Variants in ANKS1B observed in about 807,000 individuals in gnomAD.
The protein encoded by ANKS1B is ankyrin repeat and sterile alpha motif domain-containing protein 1B.
In ANKS1B, 36 loss-of-function variants were observed where a neutral mutation model predicts 148.3. The ratio of observed to expected loss-of-function variants is 0.24; its 90% CI spans 0.19 to 0.32. ANKS1B has a LOEUF of 0.32. ANKS1B is among the 10% of genes least tolerant of loss of function. ANKS1B has a pLI of 1.00. For missense variants in ANKS1B, 1,157 were observed against 1,542.6 expected (o/e 0.75, Z 4.19); for synonymous variants, 542 against 560.8 (o/e 0.97, Z 0.47).
intron 8 of ANKS1B, among the ~76,000 whole-genome samples, chr12:99,698,046 G>A (rs1004656359): frequency 3.9e-5 from 6 of 152,046 alleles, no homozygotes; most frequent in Admixed American, 6.6e-5. Context: ...AGAAAGAGCA[G>A]AAGGTATAGG....
At chr12:99,154,203 A>G in intron 15 of ANKS1B, 86 bp downstream of exon 15, 1 of 1,535,290 alleles carries the variant, frequency 6.5e-7, no homozygotes, top group South Asian at 1.2e-5. Flanking sequence ...GTTTTGGTGC[A>G]AATCAGGCTG....
At chr12:98,945,017 A>T (rs947630667) in intron 17 of ANKS1B, among the ~76,000 whole-genome samples, 4 of 152,058 alleles carry the variant, frequency 2.6e-5, no homozygotes, top group African/African-American at 9.7e-5. Flanking sequence ...CCTATCCCCC[A>T]CTGCTTTTTT....
intron 1 of ANKS1B, among the ~76,000 whole-genome samples, chr12:99,828,100 G>T (rs555930676): frequency 3.9e-5 from 6 of 152,196 alleles, no homozygotes; most frequent in Admixed American, 3.9e-4. Flanking sequence ...GAAATAAAAA[G>T]AATTAAATAC....
intron 25 of ANKS1B, among the ~76,000 whole-genome samples, chr12:98,763,276 T>C (rs1009110248): frequency 3.9e-5 from 6 of 152,244 alleles, no homozygotes; most frequent in African/African-American, 7.2e-5. Context: ...ACAGACTTCA[T>C]TGACATCTCT....
intron 17 of ANKS1B, among the ~76,000 whole-genome samples, chr12:99,039,709 C>T (rs1458003769): frequency 6.6e-6 from 1 of 152,150 alleles, no homozygotes; most frequent in African/African-American, 2.4e-5. Flanking sequence ...TATTATTATA[C>T]TTTAAGTTTT....
At chr12:99,496,164 C>T (rs1190424249) in intron 10 of ANKS1B, among the ~76,000 whole-genome samples, 1 of 152,110 alleles carries the variant, frequency 6.6e-6, no homozygotes, top group South Asian at 2.1e-4. Flanking sequence ...ATGGATTTAT[C>T]GGGCATCCAT....
intron 11 of ANKS1B, among the ~76,000 whole-genome samples, chr12:99,424,888 C>T (rs181228416): frequency 1.3e-5 from 2 of 152,114 alleles, no homozygotes; most frequent in South Asian, 2.1e-4. Context: ...ATCACAGCAG[C>T]CATACCTCAA....
chr12:99,465,437 T>C (rs1182696626), intron 10 of ANKS1B, among the ~76,000 whole-genome samples: 1 of 152,130 alleles, frequency 6.6e-6, no homozygotes, highest in Non-Finnish European at 1.5e-5. Flanking sequence ...AATTCAAACA[T>C]AACAGTATTA....
intron 15 of ANKS1B, among the ~76,000 whole-genome samples, chr12:99,092,346 C>A (rs927773157): frequency 6.6e-6 from 1 of 151,878 alleles, no homozygotes; most frequent in Non-Finnish European, 1.5e-5. Context: ...CTTTTAGCTC[C>A]CACTGTGGTA....
chr12:99,325,972 A>C (rs2086228248), intron 12 of ANKS1B, among the ~76,000 whole-genome samples: 1 of 152,100 alleles, frequency 6.6e-6, no homozygotes, highest in Non-Finnish European at 1.5e-5. Context: ...GAAGGTGAAG[A>C]GAAAGCAAAG....
At chr12:99,509,768 T>G (rs11109882) in intron 9 of ANKS1B, among the ~76,000 whole-genome samples, 26,655 of 152,000 alleles carry the variant, frequency 0.18, 2,373 homozygotes, top group African/African-American at 0.2. Context: ...AGATTTGCAA[T>G]GTAGATGAAA....
chr12:99,912,445 G>A (rs563994704), intron 1 of ANKS1B, among the ~76,000 whole-genome samples: 57 of 151,716 alleles, frequency 3.8e-4, no homozygotes, highest in African/African-American at 1.1e-3. Context: ...TCTGCCTCCC[G>A]GGTTCAAGTG....
intron 17 of ANKS1B, chr12:98,895,090 A>C: frequency 1.0e-6 from 1 of 978,990 alleles, no homozygotes; most frequent in African/African-American, 1.8e-5. Context: ...GTGGGCGGCG[A>C]GGCGGGGGGG....
intron 8 of ANKS1B, among the ~76,000 whole-genome samples, chr12:99,680,975 C>G (rs558117245): frequency 1.3e-3 from 195 of 152,128 alleles, no homozygotes; most frequent in Middle Eastern, 6.8e-3. Context: ...TCCCATCCCC[C>G]ACAGAAGCCA....
chr12:98,915,162 AC>A (rs1223585646), intron 17 of ANKS1B, among the ~76,000 whole-genome samples: 3 of 151,994 alleles, frequency 2.0e-5, no homozygotes, highest in Non-Finnish European at 4.4e-5. Flanking sequence ...AGCAGGCTGG[AC>A]CCCTAATCCA....
At chr12:99,752,251 A>G (rs141513396) in intron 8 of ANKS1B, among the ~76,000 whole-genome samples, 1 of 152,018 alleles carries the variant, frequency 6.6e-6, no homozygotes, top group African/African-American at 2.4e-5. Flanking sequence ...CTGTCAGGCA[A>G]CATCCCAGAC....
At chr12:99,898,664 GGAACAACGATGAA>G (rs1296098219) in intron 1 of ANKS1B, among the ~76,000 whole-genome samples, 1 of 152,128 alleles carries the variant, frequency 6.6e-6, no homozygotes, top group Non-Finnish European at 1.5e-5. Context: ...GGGTAAATAT[GGAACAACGATGAA>G]GAAAGCAAAG....
At chr12:98,851,223 CT>C (rs1567155260) in intron 17 of ANKS1B, among the ~76,000 whole-genome samples, 2 of 152,176 alleles carry the variant, frequency 1.3e-5, no homozygotes, top group Non-Finnish European at 2.9e-5. Context: ...ACAGGACATA[CT>C]TATTGCTTTG....
intron 8 of ANKS1B, among the ~76,000 whole-genome samples, chr12:99,684,036 C>G (rs2098636110): frequency 6.6e-6 from 1 of 151,978 alleles, no homozygotes. Flanking sequence ...AGCATTCCCC[C>G]TGAGACCTGG....
Sources: gnomAD v4.1 joint callset for allele counts (sites outside exome capture counted in the v4.1 genomes callset) on GRCh38, gnomAD v4.1.1 for gene constraint, MANE v1.5 for transcripts, NCBI Gene and HGNC (gene_info 2026-07-23, HGNC 2026-07-21) for gene names.